The following GJB7 variants were observed in gnomAD, a reference collection of about 807,000 sequenced individuals.
GJB7 encodes the protein gap junction beta-7 protein.
For missense variants in GJB7, 253 were observed against 256.8 expected (o/e 0.99, Z 0.10); for synonymous variants, 87 against 95.2 (o/e 0.91, Z 0.50).
At position 87,284,140 on chromosome 6, in the gene GJB7, G is replaced by T; in HGVS notation, c.*101C>A. 1.1e-6 allele frequency: 1 copy of T among 922,920 alleles called. No individual in the cohort carries two copies. Among genetic ancestry groups the T allele is most frequent in the Non-Finnish European group, 1.7e-6 (1 of 599,784 alleles). 57.2% of individuals were successfully genotyped at this position (922,920 alleles called of 1,614,324 possible). A position where few individuals can be genotyped will look rare whatever the true frequency, so the allele number is the denominator to read the frequency against. ...CTCTTGTGTGTCACAGAGTAGCTTT[G>T]CTTCAGGTAGAGGGAGTGTGTTTAT... is the stretch of plus-strand genomic sequence containing the variant. On this transcript the variant is annotated 3_prime_UTR_variant, in exon 3 of 3. Transcript: ENST00000525899.
At chr6:87,292,699 A>C (rs1055952153) in intron 2 of GJB7, among the ~76,000 whole-genome samples, 4 of 152,272 alleles carry the variant, frequency 2.6e-5, no homozygotes, top group African/African-American at 4.8e-5. Flanking sequence ...TAGAATGAGA[A>C]TAGCTTAGGA....
At position 87,318,899 on chromosome 6, in the gene GJB7, C is replaced by A. The variant is rs1175123691; in HGVS notation, c.-28+3967G>T. On this transcript the variant is annotated intron_variant, in intron 2 of 2. Coordinates refer to ENST00000525899, the MANE Select transcript of GJB7 (RefSeq NM_198568.3). ...TATGTTATTATTTTTTAAAAAAAGA[C>A]CTGGCTTTGACAAAATACCAGTAAT... Among the ~76,000 whole-genome samples, 8 of 152,094 alleles carry A rather than the reference C, an allele frequency of 5.3e-5. No homozygotes were observed. The East Asian group carries it at 1.5e-3, about 29-fold the overall frequency.
intron 1 of GJB7, among the ~76,000 whole-genome samples, chr6:87,323,796 G>T (rs2127914123): frequency 6.6e-6 from 1 of 152,008 alleles, no homozygotes; most frequent in South Asian, 2.1e-4. Context: ...ACCCAGTAAT[G>T]GGATGGCTGG....
Position 87,307,345 on chromosome 6 carries a change from T to C in GJB7, c.-28+15521A>G, listed in dbSNP as rs151007084. ...GACTTCATGTCTAAAACACCAAAAGTAATGGCAACAAAAGCCAAAATTGAC... is the reference window on the plus strand; with the variant it reads ...GACTTCATGTCTAAAACACCAAAAGCAATGGCAACAAAAGCCAAAATTGAC... On this transcript the variant is annotated intron_variant, in intron 2 of 2. Transcript: ENST00000525899. 4.9e-4 allele frequency among the ~76,000 whole-genome samples: 74 copies of C among 151,838 alleles called. 1 individual carries two copies. Among genetic ancestry groups the C allele is most frequent in the African/African-American group, 1.7e-3 (71 of 41,454 alleles).
intron 2 of GJB7, among the ~76,000 whole-genome samples, chr6:87,320,410 G>A (rs1437591636): frequency 6.6e-6 from 1 of 152,166 alleles, no homozygotes; most frequent in Non-Finnish European, 1.5e-5. Context: ...ATAAACCCAT[G>A]CCAAAATATT....
chr6:87,285,304 G>A (rs1031539609), intron 2 of GJB7, among the ~76,000 whole-genome samples: 1 of 152,194 alleles, frequency 6.6e-6, no homozygotes, highest in Admixed American at 6.5e-5. Context: ...TGAATATCAA[G>A]GTGATCCTGG....
chr6:87,319,223 C>G (rs553974074), intron 2 of GJB7, among the ~76,000 whole-genome samples: 2 of 152,326 alleles, frequency 1.3e-5, no homozygotes, highest in East Asian at 1.9e-4. Context: ...CATCACTCTT[C>G]AAAGTAATTT....
rs539484427 is a variant in GJB7, at chr6:87,309,665, G to A, written c.-28+13201C>T. Among the ~76,000 whole-genome samples, 174 of 152,208 alleles carry A rather than the reference G, an allele frequency of 1.1e-3. 1 individual carries two copies. The South Asian group carries it at 0.012, about 11-fold the overall frequency. ...TTTTTCTTCTGTTTTGAGATGTATT[G>A]ATCAGAGAAGAAAAAAGAAAATATT... On this transcript the variant is annotated intron_variant, in intron 2 of 2. Coordinates refer to ENST00000525899, the MANE Select transcript of GJB7 (RefSeq NM_198568.3).
At chr6:87,290,775 C>CGATG (rs1776156960) in intron 2 of GJB7, among the ~76,000 whole-genome samples, 1 of 152,170 alleles carries the variant, frequency 6.6e-6, no homozygotes, top group African/African-American at 2.4e-5. Flanking sequence ...TTACTGTTGT[C>CGATG]GATGGCTGCT....
At chr6:87,299,360 G>T in intron 2 of GJB7, 1 of 488,150 alleles carries the variant, frequency 2.0e-6, no homozygotes. Context: ...GTAAAGGATG[G>T]AAAAACACTG....
At chr6:87,301,458 G>GT (rs1776324946) in intron 2 of GJB7, among the ~76,000 whole-genome samples, 1 of 152,154 alleles carries the variant, frequency 6.6e-6, no homozygotes, top group Non-Finnish European at 1.5e-5. Context: ...AGATTAAACT[G>GT]TAAGGCAGCA....
chr6:87,291,179 T>C (rs181281876), intron 2 of GJB7, among the ~76,000 whole-genome samples: 142 of 152,344 alleles, frequency 9.3e-4, no homozygotes, highest in African/African-American at 3.4e-3. Context: ...ACATGATGTC[T>C]TTTGTCTGTT....
chr6:87,322,544 G>C (rs181491), intron 2 of GJB7: 94,965 of 152,088 alleles, frequency 0.62, 30,089 homozygotes, highest in African/African-American at 0.7. Context: ...GGCGCCGGGC[G>C]GGGCGCCCTC....
At chr6:87,305,048 G>C (rs979744119) in intron 2 of GJB7, among the ~76,000 whole-genome samples, 9 of 152,116 alleles carry the variant, frequency 5.9e-5, no homozygotes, top group African/African-American at 2.2e-4. Flanking sequence ...AGCTATTTCT[G>C]ACAAACCCAC....
intron 2 of GJB7, among the ~76,000 whole-genome samples, chr6:87,307,834 T>C (rs1004062258): frequency 2.0e-5 from 3 of 152,236 alleles, no homozygotes; most frequent in African/African-American, 7.2e-5. Flanking sequence ...CTCAAGGATC[T>C]AGAACTAGAA....
intron 1 of GJB7, among the ~76,000 whole-genome samples, chr6:87,327,371 A>G (rs1442610865): frequency 6.6e-6 from 1 of 151,962 alleles, no homozygotes; most frequent in African/African-American, 2.4e-5. Context: ...AATGGTCTTT[A>G]CATTTTGGCA....
chr6:87,326,919 A>T (rs1776836703), intron 1 of GJB7, among the ~76,000 whole-genome samples: 1 of 106,722 alleles, frequency 9.4e-6, no homozygotes, highest in African/African-American at 4.1e-5. Context: ...TTTGTAGGTC[A>T]CTCAGGACTT....
intron 2 of GJB7, among the ~76,000 whole-genome samples, chr6:87,309,925 C>G (rs1291218301): frequency 6.6e-6 from 1 of 152,136 alleles, no homozygotes; most frequent in African/African-American, 2.4e-5. Context: ...TGCAGAACAC[C>G]TTGGTATGCA....
chr6:87,300,923 C>T (rs988267240), intron 2 of GJB7, among the ~76,000 whole-genome samples: 10 of 152,152 alleles, frequency 6.6e-5, no homozygotes, highest in Admixed American at 6.5e-4. Context: ...GACTGACAAG[C>T]ATCCAGATAC....
Sources: allele counts gnomAD v4.1 joint callset (sites outside exome capture counted in the v4.1 genomes callset), GRCh38; gene constraint gnomAD v4.1.1; transcripts MANE v1.5; gene names NCBI Gene and HGNC (gene_info 2026-07-23, HGNC 2026-07-21).